The following RDX variants were observed in gnomAD, a reference collection of about 807,000 sequenced individuals.
RDX encodes radixin.
In RDX, 32 loss-of-function variants were observed where a neutral mutation model predicts 83.7. The observed-to-expected ratio is 0.38, with a 90% confidence interval of 0.29 to 0.51. The LOEUF (loss-of-function observed/expected upper bound fraction) is 0.51, where lower values mean the gene tolerates loss of function less well. Among genes scored for constraint, RDX ranks in the 20% least tolerant of loss-of-function variants. The probability of loss-of-function intolerance (pLI) is 0.87; values close to 1 mark genes in which losing one functional copy is unlikely to be tolerated. For missense variants in RDX, 600 were observed against 689.9 expected (o/e 0.87, Z 1.46); for synonymous variants, 229 against 222.7 (o/e 1.03, Z -0.25).
At chr11:110,175,495 T>A (rs1458206944) in intron 15 of RDX, among the ~76,000 whole-genome samples, 1 of 152,214 alleles carries the variant, frequency 6.6e-6, no homozygotes, top group East Asian at 1.9e-4. Flanking sequence ...CCAGGAGAAC[T>A]CAGTGAGGAA....
chr11:110,292,274 C>T (rs1460534810), intron 1 of RDX, among the ~76,000 whole-genome samples: 1 of 149,822 alleles, frequency 6.7e-6, no homozygotes, highest in African/African-American at 2.5e-5. Context: ...GCCTGGGCAA[C>T]AGAGCGAGAC....
rs753424624 is a variant in RDX at position 110,289,238 on chromosome 11, C to CAA, written c.-65+7227_-65+7228dup. On this transcript the variant is annotated intron_variant, in intron 1 of 13. Coordinates refer to ENST00000645495, the MANE Select transcript of RDX (RefSeq NM_002906.4). ...CGGCAACAAGAGCAAAACTCTATCT[C>CAA]AAAAAAAAAAAAAAAAAAAAAAACT... Among the ~76,000 whole-genome samples the CAA allele has an allele frequency of 5.2e-3, 276 of 53,200 alleles. 2 individuals carry two copies. The highest frequency in any genetic ancestry group is 7.2e-3 in the Admixed American group (34 of 4,698). The allele number at this position is 53,200 out of a possible 152,430, so 34.9% of individuals were successfully genotyped here.
At chr11:110,193,000 G>A (rs1863131985) in intron 15 of RDX, among the ~76,000 whole-genome samples, 1 of 152,206 alleles carries the variant, frequency 6.6e-6, no homozygotes, top group Non-Finnish European at 1.5e-5. Context: ...ATTTGACCCA[G>A]TAATCCCATC....
chr11:110,252,945 T>A (rs958184662), intron 9 of RDX, among the ~76,000 whole-genome samples: 1 of 152,222 alleles, frequency 6.6e-6, no homozygotes, highest in African/African-American at 2.4e-5. Flanking sequence ...CAACTCAGTA[T>A]CTTTAATGAT....
At chr11:110,223,289 C>T (rs545224761) in intron 14 of RDX, among the ~76,000 whole-genome samples, 1 of 152,032 alleles carries the variant, frequency 6.6e-6, no homozygotes, top group South Asian at 2.1e-4. Flanking sequence ...GGAGGTGGAG[C>T]TTGCAGTGAG....
intron 3 of RDX, among the ~76,000 whole-genome samples, chr11:110,271,344 T>C (rs1388484917): frequency 6.6e-6 from 1 of 152,202 alleles, no homozygotes; most frequent in Non-Finnish European, 1.5e-5. Context: ...AAGATCAAGT[T>C]ATTCTGACTA....
intron 15 of RDX, among the ~76,000 whole-genome samples, chr11:110,186,867 G>A (rs758481755): frequency 5.3e-5 from 8 of 152,186 alleles, no homozygotes; most frequent in Admixed American, 2.6e-4. Flanking sequence ...TGGTGACCCT[G>A]GCAGTGTAGC....
At position 110,287,581 on chromosome 11, in the gene RDX, T is replaced by C. The variant is rs117417985; in HGVS notation, c.-64-7825A>G. ...CAATAATAATGCACTTTTACCTAAATAATGACATGTCATCCCGTCATCCCA... is the reference window on the plus strand; with the variant it reads ...CAATAATAATGCACTTTTACCTAAACAATGACATGTCATCCCGTCATCCCA... On this transcript the variant is annotated intron_variant, in intron 1 of 13. Coordinates refer to ENST00000645495, the MANE Select transcript of RDX (RefSeq NM_002906.4). Among the ~76,000 whole-genome samples, 14 of 152,302 alleles carry C rather than the reference T, an allele frequency of 9.2e-5. No individual in the cohort carries two copies. The East Asian group carries it at 1.7e-3, about 19-fold the overall frequency.
At chr11:110,219,732 G>C (rs983428315) in intron 14 of RDX, among the ~76,000 whole-genome samples, 3 of 152,192 alleles carry the variant, frequency 2.0e-5, no homozygotes, top group Non-Finnish European at 4.4e-5. Flanking sequence ...ACTGAGGCAG[G>C]AGCAAGTTTA....
At chr11:110,224,284 G>A (rs560767507) in intron 14 of RDX, among the ~76,000 whole-genome samples, 4 of 151,512 alleles carry the variant, frequency 2.6e-5, no homozygotes, top group East Asian at 1.9e-4. Context: ...ACATTATGAC[G>A]GTCATCTGAG....
intron 3 of RDX, among the ~76,000 whole-genome samples, chr11:110,270,483 T>C (rs1378128021): frequency 6.6e-6 from 1 of 152,224 alleles, no homozygotes; most frequent in African/African-American, 2.4e-5. Context: ...CACATGACAC[T>C]GTATTTATCT....
At chr11:110,242,575 C>T (rs1865143862) in intron 10 of RDX, among the ~76,000 whole-genome samples, 1 of 151,386 alleles carries the variant, frequency 6.6e-6, no homozygotes, top group South Asian at 2.1e-4. Flanking sequence ...AATTTTGAAA[C>T]ATTCCCCAAT....
chr11:110,286,716 T>G (rs1475210038), intron 1 of RDX, among the ~76,000 whole-genome samples: 1 of 152,204 alleles, frequency 6.6e-6, no homozygotes, highest in Non-Finnish European at 1.5e-5. Flanking sequence ...ACCAAAATAT[T>G]CCAAGAGAAC....
intron 14 of RDX, among the ~76,000 whole-genome samples, chr11:110,215,844 A>G (rs950332912): frequency 6.6e-6 from 1 of 152,230 alleles, no homozygotes; most frequent in Non-Finnish European, 1.5e-5. Flanking sequence ...TTACCTAGCT[A>G]TAAAATGGAA....
chr11:110,199,122 G>A (rs1018332308), intron 15 of RDX, among the ~76,000 whole-genome samples: 2 of 151,940 alleles, frequency 1.3e-5, no homozygotes, highest in Non-Finnish European at 2.9e-5. Context: ...GCCTGAATAT[G>A]GATTTTTTAA....
intron 2 of RDX, among the ~76,000 whole-genome samples, chr11:110,274,641 C>A (rs566236448): frequency 2.5e-4 from 32 of 129,790 alleles, no homozygotes; most frequent in African/African-American, 8.1e-4. Context: ...ACTGTTACTA[C>A]ACACTTCTCA....
intron 1 of RDX, among the ~76,000 whole-genome samples, chr11:110,287,946 C>T (rs187580321): frequency 6.6e-6 from 1 of 152,144 alleles, no homozygotes; most frequent in Non-Finnish European, 1.5e-5. Flanking sequence ...CAAGTTCATT[C>T]GAAACAATTA....
At chr11:110,271,891 C>T (rs139653484) in intron 3 of RDX, among the ~76,000 whole-genome samples, 1 of 152,096 alleles carries the variant, frequency 6.6e-6, no homozygotes, top group Non-Finnish European at 1.5e-5. Context: ...AAATCTGAAA[C>T]CTCTTCAGTA....
At chr11:110,280,241 A>ATTT (rs558359776) in intron 1 of RDX, among the ~76,000 whole-genome samples, 1 of 148,720 alleles carries the variant, frequency 6.7e-6, no homozygotes. Context: ...GAAGAAACTA[A>ATTT]TTTTTTTTTT....
Sources: allele counts gnomAD v4.1 joint callset (sites outside exome capture counted in the v4.1 genomes callset), GRCh38; gene constraint gnomAD v4.1.1; transcripts MANE v1.5; gene names NCBI Gene and HGNC (gene_info 2026-07-23, HGNC 2026-07-21).